TNIK: variants seen among roughly 807,000 people sequenced by gnomAD.
The protein encoded by TNIK is TRAF2 and NCK interacting kinase.
TNIK carries 49 observed loss-of-function variants against 191.3 expected under a neutral mutation model. The observed-to-expected ratio is 0.26, with a 90% CI of 0.20 to 0.32. The LOEUF (loss-of-function observed/expected upper bound fraction) is 0.32, where lower values mean the gene tolerates loss of function less well. Ranked by LOEUF, TNIK falls within the 10% of genes least tolerant of loss-of-function variation. TNIK has a pLI of 1.00. For synonymous variants in TNIK, 594 were observed against 600.9 expected (o/e 0.99, Z 0.17); for missense variants, 1,155 against 1,702.3 (o/e 0.68, Z 5.66).
At chr3:171,413,015 C>T (rs940559040) in intron 1 of TNIK, among the ~76,000 whole-genome samples, 6 of 152,200 alleles carry the variant, frequency 3.9e-5, no homozygotes, top group Non-Finnish European at 7.3e-5. Context: ...AGAATTTCCT[C>T]TCCAGAGCCT....
At chr3:171,283,279 T>C (rs1750671361) in intron 2 of TNIK, among the ~76,000 whole-genome samples, 1 of 152,172 alleles carries the variant, frequency 6.6e-6, no homozygotes, top group Non-Finnish European at 1.5e-5. Flanking sequence ...TCCTGGATTC[T>C]TTCCTCTTTT....
intron 21 of TNIK, among the ~76,000 whole-genome samples, chr3:171,104,485 T>A (rs956085537): frequency 6.6e-6 from 1 of 152,070 alleles, no homozygotes; most frequent in African/African-American, 2.4e-5. Context: ...AAAAGAAATA[T>A]GGCAAGATGG....
At chr3:171,394,155 A>C (rs1337090131) in intron 1 of TNIK, among the ~76,000 whole-genome samples, 2 of 152,048 alleles carry the variant, frequency 1.3e-5, no homozygotes, top group Admixed American at 6.6e-5. Flanking sequence ...TTGTCCTGTG[A>C]CCCTTCCCCC....
chr3:171,290,602 G>C (rs1751576740), intron 2 of TNIK, among the ~76,000 whole-genome samples: 2 of 152,038 alleles, frequency 1.3e-5, no homozygotes, highest in Non-Finnish European at 2.9e-5. Context: ...ACATATCATG[G>C]GCTACTTTTA....
intron 23 of TNIK, among the ~76,000 whole-genome samples, chr3:171,091,469 G>A (rs1028084739): frequency 2.0e-5 from 3 of 152,090 alleles, no homozygotes; most frequent in South Asian, 2.1e-4. Context: ...TCGGCCGGGC[G>A]TGGTAGCTCA....
chr3:171,071,377 GTATTAA>G (rs1275239457), intron 28 of TNIK, 54 bp from the exon 29 acceptor site: 41 of 1,234,052 alleles, frequency 3.3e-5, no homozygotes, highest in Admixed American at 1.4e-4. Context: ...CAAGTTCTTT[GTATTAA>G]TATTAATGAA....
rs1269465385 is a variant in TNIK, at chr3:171,060,408, T to A, written c.*3473A>T. Among the ~76,000 whole-genome samples the A allele has an allele frequency of 6.6e-6, 1 of 152,134 alleles. No homozygotes were observed. Among genetic ancestry groups the A allele is most frequent in the East Asian group, 1.9e-4 (1 of 5,198 alleles). On this transcript the variant is annotated 3_prime_UTR_variant, in exon 33 of 33. Transcript: ENST00000436636. ...GGAACTAAGGTGTTTTTAAAAAACATGTACTTGATGCAAAGTATATTAGGA... is the reference window on the plus strand; with the variant it reads ...GGAACTAAGGTGTTTTTAAAAAACAAGTACTTGATGCAAAGTATATTAGGA...
rs189958392 is a variant in TNIK, at chr3:171,167,515, A to G, written c.774-245T>C. ...ATGCACATGAAAGCATTTTTGCACA[A>G]TTTATATGTAACATTACATAGCAGA... On this transcript the variant is annotated intron_variant, in intron 9 of 32. Coordinates refer to ENST00000436636, the MANE Select transcript of TNIK (RefSeq NM_015028.4). Among the ~76,000 whole-genome samples the G allele has an allele frequency of 2.0e-5, 3 of 152,340 alleles. No homozygotes were observed. In the East Asian group the frequency reaches 5.8e-4, roughly 29 times the overall value.
At chr3:171,292,260 G>A (rs932531689) in intron 2 of TNIK, among the ~76,000 whole-genome samples, 2 of 152,108 alleles carry the variant, frequency 1.3e-5, no homozygotes, top group South Asian at 4.2e-4. Context: ...ACATTTTCCA[G>A]GTTCTTTGTA....
At chr3:171,080,170 A>G (rs1720487056) in intron 27 of TNIK, among the ~76,000 whole-genome samples, 1 of 152,170 alleles carries the variant, frequency 6.6e-6, no homozygotes, top group South Asian at 2.1e-4. Context: ...AAAAATAGGA[A>G]AAAAAGGATG....
chr3:171,090,427 CTTT>C (rs375076101), intron 23 of TNIK, among the ~76,000 whole-genome samples: 91 of 140,346 alleles, frequency 6.5e-4, no homozygotes, highest in African/African-American at 1.9e-3. Flanking sequence ...TTCTTTCTTT[CTTT>C]TTTTTTTTTT....
At chr3:171,402,621 G>T (rs1287999801) in intron 1 of TNIK, among the ~76,000 whole-genome samples, 2 of 152,230 alleles carry the variant, frequency 1.3e-5, no homozygotes, top group Non-Finnish European at 2.9e-5. Context: ...TTACATCAAG[G>T]TTTAATCACC....
chr3:171,147,483 T>C (rs1335172952), intron 12 of TNIK, among the ~76,000 whole-genome samples: 1 of 152,156 alleles, frequency 6.6e-6, no homozygotes, highest in Non-Finnish European at 1.5e-5. Context: ...TGCAAACCAA[T>C]GACTATAGGG....
At chr3:171,239,448 C>A (rs1268002702) in intron 2 of TNIK, among the ~76,000 whole-genome samples, 3 of 152,156 alleles carry the variant, frequency 2.0e-5, no homozygotes, top group Non-Finnish European at 4.4e-5. Context: ...TCACTGACAC[C>A]ATTCACCACC....
intron 2 of TNIK, among the ~76,000 whole-genome samples, chr3:171,254,329 CTAT>C (rs1172229951): frequency 6.6e-6 from 1 of 152,238 alleles, no homozygotes; most frequent in African/African-American, 2.4e-5. Context: ...CACTCTTCCT[CTAT>C]CAGGCTGCTA....
At chr3:171,248,863 G>A (rs963819428) in intron 2 of TNIK, among the ~76,000 whole-genome samples, 5 of 115,856 alleles carry the variant, frequency 4.3e-5, no homozygotes, top group Non-Finnish European at 9.1e-5. Context: ...CCAAGTCTTT[G>A]CTGCCAAGTC....
chr3:171,398,535 C>A (rs1720522785), intron 1 of TNIK, among the ~76,000 whole-genome samples: 1 of 152,166 alleles, frequency 6.6e-6, no homozygotes. Flanking sequence ...GCCCACACAG[C>A]CCTTCACAAT....
chr3:171,152,279 A>G (rs1732545181), intron 12 of TNIK, among the ~76,000 whole-genome samples: 1 of 152,060 alleles, frequency 6.6e-6, no homozygotes, highest in South Asian at 2.1e-4. Context: ...CCATCTCAAA[A>G]AATAAATTAA....
At chr3:171,250,542 C>T (rs1746109418) in intron 2 of TNIK, among the ~76,000 whole-genome samples, 1 of 152,214 alleles carries the variant, frequency 6.6e-6, no homozygotes, top group Admixed American at 6.5e-5. Flanking sequence ...CCCCTTCCAT[C>T]CTACTTCTCT....
Sources: allele counts gnomAD v4.1 joint callset (sites outside exome capture counted in the v4.1 genomes callset), GRCh38; gene constraint gnomAD v4.1.1; transcripts MANE v1.5; gene names NCBI Gene and HGNC (gene_info 2026-07-23, HGNC 2026-07-21).